Variants in KATNBL1 observed in about 807,000 individuals in gnomAD.
KATNBL1 encodes KATNB1-like protein 1.
A neutral mutation model predicts 44.7 loss-of-function variants in KATNBL1; 28 were observed. The observed-to-expected ratio is 0.63, with a 90% CI of 0.46 to 0.86. The LOEUF (loss-of-function observed/expected upper bound fraction) is 0.86. Ranked by LOEUF, KATNBL1 falls within the 40% of genes least tolerant of loss-of-function variation. The pLI is 0.00. For missense variants in KATNBL1, 272 were observed against 350.7 expected (o/e 0.78, Z 1.79); for synonymous variants, 78 against 114.9 (o/e 0.68, Z 2.06).
chr15:34,174,979 G>A (rs1051508480), intron 1 of KATNBL1, among the ~76,000 whole-genome samples: 2 of 151,952 alleles, frequency 1.3e-5, no homozygotes, highest in African/African-American at 4.8e-5. Flanking sequence ...CAGGTTGGTG[G>A]CTCATGCCTG....
At chr15:34,152,091 C>T (rs1306991410) in intron 4 of KATNBL1, among the ~76,000 whole-genome samples, 2 of 152,020 alleles carry the variant, frequency 1.3e-5, no homozygotes, top group African/African-American at 4.8e-5. Context: ...CAGGCACCCA[C>T]CATCATGCCC....
chr15:34,174,785 G>T (rs1469945335), intron 1 of KATNBL1, among the ~76,000 whole-genome samples: 1 of 151,886 alleles, frequency 6.6e-6, no homozygotes, highest in Non-Finnish European at 1.5e-5. Context: ...GGGACTATAG[G>T]TGCCTGCCAT....
intron 1 of KATNBL1, among the ~76,000 whole-genome samples, chr15:34,179,477 T>C (rs541512140): frequency 1.3e-5 from 2 of 152,266 alleles, no homozygotes; most frequent in Non-Finnish European, 2.9e-5. Flanking sequence ...GGAGCGCACA[T>C]TGAAACCATA....
At chr15:34,177,633 T>TAAA (rs10524351) in intron 1 of KATNBL1, among the ~76,000 whole-genome samples, 5 of 91,906 alleles carry the variant, frequency 5.4e-5, no homozygotes, top group African/African-American at 1.2e-4. Flanking sequence ...AACTCTGTCT[T>TAAA]AAAAAAAAAA....
At chr15:34,162,395 G>A (rs1026164851) in intron 2 of KATNBL1, among the ~76,000 whole-genome samples, 4 of 152,190 alleles carry the variant, frequency 2.6e-5, no homozygotes, top group African/African-American at 9.6e-5. Context: ...TTTGCCTTCC[G>A]ACATGATTGT....
At chr15:34,164,458 C>A (rs1277602503) in intron 1 of KATNBL1, among the ~76,000 whole-genome samples, 1 of 151,950 alleles carries the variant, frequency 6.6e-6, no homozygotes, top group East Asian at 1.9e-4. Flanking sequence ...TTGTCCTATG[C>A]CTAATCCTTA....
intron 1 of KATNBL1, among the ~76,000 whole-genome samples, chr15:34,196,549 G>A (rs376284445): frequency 6.6e-6 from 1 of 152,012 alleles, no homozygotes; most frequent in Non-Finnish European, 1.5e-5. Context: ...CCAACATGGC[G>A]AAACCCAGTC....
rs148925584 is a variant in KATNBL1, at chr15:34,142,772, C to T, written c.883-401G>A. ...CTGTCACCAGGCTGAAGTGCAGTGG[C>T]GTGATCTTGGCTCTCTGCAACCTCC... is the stretch of plus-strand genomic sequence containing the variant. On this transcript the variant is annotated intron_variant, in intron 9 of 9. Transcript: ENST00000256544. The T allele has an allele frequency of 3.2e-5, 9 of 279,986 alleles. No homozygotes were observed. In the East Asian group the frequency reaches 4.1e-4, roughly 13 times the overall value. 17.3% of individuals were successfully genotyped at this position (279,986 alleles called of 1,614,324 possible). A position where few individuals can be genotyped will look rare whatever the true frequency, so the allele number is the denominator to read the frequency against.
chr15:34,197,934 G>C (rs1335808871), intron 1 of KATNBL1, among the ~76,000 whole-genome samples: 2 of 152,010 alleles, frequency 1.3e-5, no homozygotes, highest in African/African-American at 4.8e-5. Flanking sequence ...TTTTAGTAGA[G>C]ACAGGGTTTC....
intron 1 of KATNBL1, among the ~76,000 whole-genome samples, chr15:34,173,451 T>C (rs1889232209): frequency 1.3e-5 from 2 of 152,162 alleles, no homozygotes; most frequent in Non-Finnish European, 2.9e-5. Flanking sequence ...TAAAATTTTA[T>C]ATCCAGCCAA....
intron 1 of KATNBL1, among the ~76,000 whole-genome samples, chr15:34,193,194 G>A (rs1889927896): frequency 7.8e-6 from 1 of 128,798 alleles, no homozygotes; most frequent in South Asian, 2.7e-4. Context: ...TCCAGCCTGG[G>A]CGACAGAGCG....
At chr15:34,184,702 A>C (rs369592822) in intron 1 of KATNBL1, among the ~76,000 whole-genome samples, 3 of 148,838 alleles carry the variant, frequency 2.0e-5, no homozygotes, top group African/African-American at 7.4e-5. Flanking sequence ...CCTCCCGAGT[A>C]GCTGGGACTA....
intron 1 of KATNBL1, among the ~76,000 whole-genome samples, chr15:34,176,188 A>T (rs1433930881): frequency 1.3e-5 from 2 of 152,064 alleles, no homozygotes; most frequent in African/African-American, 2.4e-5. Context: ...CAGCCTGGCC[A>T]ACATGGTGAA....
At chr15:34,155,961 C>T (rs1255829814) in intron 2 of KATNBL1, among the ~76,000 whole-genome samples, 1 of 152,138 alleles carries the variant, frequency 6.6e-6, no homozygotes, top group African/African-American at 2.4e-5. Flanking sequence ...AAGGGGCTTC[C>T]CTTGCTTTAT....
rs540854293 is a variant in KATNBL1, at chr15:34,169,801, C to T, written c.-14-6111G>A. Among the ~76,000 whole-genome samples, 24 of 152,260 alleles carry T rather than the reference C, an allele frequency of 1.6e-4. No individual in the cohort carries two copies. In the East Asian group the frequency reaches 2.1e-3, roughly 13 times the overall value. On this transcript the variant is annotated intron_variant, in intron 1 of 9. Transcript: ENST00000256544. The stretch of plus-strand genomic sequence containing the variant: ...GGTTCAACAGATGCAAATCAGTAAA[C>T]GTAATCCATCGCATAAACAGAACCA...
At chr15:34,153,773 G>T (rs766958672) in intron 3 of KATNBL1, among the ~76,000 whole-genome samples, 4 of 152,164 alleles carry the variant, frequency 2.6e-5, no homozygotes, top group Non-Finnish European at 5.9e-5. Context: ...GTTTCACCCT[G>T]TTGGCAAGGA....
chr15:34,200,044 T>C (rs557541951), intron 1 of KATNBL1, among the ~76,000 whole-genome samples: 1 of 152,322 alleles, frequency 6.6e-6, no homozygotes, highest in Admixed American at 6.5e-5. Flanking sequence ...TACAGAATCC[T>C]GATTGGTGCA....
At chr15:34,190,240 G>A (rs139613427) in intron 1 of KATNBL1, among the ~76,000 whole-genome samples, 210 of 152,236 alleles carry the variant, frequency 1.4e-3, no homozygotes, top group African/African-American at 4.8e-3. Context: ...CACCGCGCCC[G>A]GCCTGGAAGT....
chr15:34,182,659 A>G (rs1403788617), intron 1 of KATNBL1, among the ~76,000 whole-genome samples: 1 of 152,206 alleles, frequency 6.6e-6, no homozygotes, highest in Admixed American at 6.5e-5. Flanking sequence ...ACAAATGACT[A>G]ACTACTCAGC....
Sources: gnomAD v4.1 joint callset for allele counts (sites outside exome capture counted in the v4.1 genomes callset) on GRCh38, gnomAD v4.1.1 for gene constraint, MANE v1.5 for transcripts, NCBI Gene and HGNC (gene_info 2026-07-23, HGNC 2026-07-21) for gene names.